PPP2R5D: variants seen among roughly 807,000 people sequenced by gnomAD.
The protein encoded by PPP2R5D is protein phosphatase 2 regulatory subunit B'delta, also known as serine/threonine-protein phosphatase 2A 56 kDa regulatory subunit delta isoform.
PPP2R5D carries 12 observed loss-of-function variants against 79.1 expected under a neutral mutation model. That is an observed-to-expected ratio of 0.15 (90% confidence interval 0.10 to 0.25). The LOEUF is 0.25. Among genes scored for constraint, PPP2R5D ranks in the 10% least tolerant of loss-of-function variants. PPP2R5D has a pLI of 1.00. For missense variants in PPP2R5D, 419 were observed against 760.2 expected (o/e 0.55, Z 5.28); for synonymous variants, 277 against 286.6 (o/e 0.97, Z 0.34).
In PPP2R5D at chr6:43,004,569, C is replaced by CTTTT. The variant is rs56194066; in HGVS notation, c.106-1879_106-1876dup. Among the ~76,000 whole-genome samples, 143 of 125,074 alleles carry CTTTT rather than the reference C, an allele frequency of 1.1e-3. 1 individual carries two copies. Among genetic ancestry groups the CTTTT allele is most frequent in the African/African-American group, 3.9e-3 (129 of 32,746 alleles). The allele number at this position is 125,074 out of a possible 152,430, so 82.1% of individuals were successfully genotyped here. On this transcript the variant is annotated intron_variant, in intron 2 of 15. Coordinates refer to ENST00000485511, the MANE Select transcript of PPP2R5D (RefSeq NM_006245.4). ...ATTTTCACATTGGATTCTTTTCCTA[C>CTTTT]TTTTTTTTTTTTTTTTTTGAGATTT...
At position 42,989,061 on chromosome 6, in the gene PPP2R5D, C is replaced by T. The variant is rs146407021; in HGVS notation, c.28-550C>T. ...GGTGCTCTTGGCATTTTGAGTGGGA[C>T]AGTTCTGTACCTGTTAGCATTCCTG... is the stretch of plus-strand genomic sequence containing the variant. On this transcript the variant is annotated intron_variant, in intron 1 of 15. Transcript: ENST00000485511. 6.6e-4 allele frequency among the ~76,000 whole-genome samples: 100 copies of T among 152,328 alleles called. 1 individual carries two copies. In the Middle Eastern group the frequency reaches 0.01, roughly 16 times the overall value.
rs780004512 is a variant in PPP2R5D, at chr6:43,008,745, C to T, written c.1079C>T (p.Pro360Leu). Residue 360 changes from proline to leucine, a missense_variant and splice_region_variant, in exon 10 of 16, where the codon CCG becomes CTG. Pro to Leu is a moderately conservative substitution (Grantham distance 98). Around this residue, in one of 5 missense-constraint regions of PPP2R5D, gnomAD observed 196 missense variants for 424.5 expected, o/e 0.46. Coordinates refer to ENST00000485511, the MANE Select transcript of PPP2R5D (RefSeq NM_006245.4). The surrounding 1 kb of genome is among the most constrained non-coding windows in gnomAD (Gnocchi z 4.2). ...FLEKESSLTE[P>L]VIVGLLKFWP... ...GAGAAGGAGAGCAGTCTGACTGAGC[C>T]GGTAATTCCCCTTCCGGGCCCCAAG... 9.9e-6 allele frequency: 16 copies of T among 1,613,800 alleles called. No homozygotes were observed. Among genetic ancestry groups the T allele is most frequent in the East Asian group, 2.2e-5 (1 of 44,898 alleles).
rs759229882 is a variant in PPP2R5D at position 43,008,210 on chromosome 6, C to T, written c.867C>T (p.Tyr289=). 47 of 1,614,104 alleles carry T rather than the reference C, an allele frequency of 2.9e-5. No individual in the cohort carries two copies. Among genetic ancestry groups the T allele is most frequent in the South Asian group, 2.3e-4 (21 of 91,084 alleles). The part of the protein sequence containing the change: ...QINHIFYRFI[Y]ETEHHNGIAE... ...ATTTTTCTTCCCTCAGGTTCATCTA[C>T]GAGACGGAGCATCACAACGGGATTG... The change falls in exon 8 of 16, where the codon TAC becomes TAT. Residue 289 remains tyrosine, a synonymous_variant. Coordinates refer to ENST00000485511, the MANE Select transcript of PPP2R5D (RefSeq NM_006245.4). The surrounding 1 kb of genome is among the most constrained non-coding windows in gnomAD (Gnocchi z 4.2).
At position 43,007,801 on chromosome 6, in the gene PPP2R5D, C is replaced by T. The variant is rs1046428008; in HGVS notation, c.727-134C>T. ...AATAGAATCAGCAATATAATAGAAT[C>T]ACTGCTTTCTAAGACTTGCTGGCCC... On this transcript the variant is annotated intron_variant, in intron 6 of 15. Transcript: ENST00000485511. This position sits in a 1 kb window ranked among gnomAD's most constrained non-coding sequence, Gnocchi z 4.5. 1.3e-5 allele frequency: 15 copies of T among 1,146,072 alleles called. 1 individual carries two copies. In the Middle Eastern group the frequency reaches 9.0e-4, roughly 69 times the overall value. 71.0% of individuals were successfully genotyped at this position (1,146,072 alleles called of 1,614,324 possible).
intron 15 of PPP2R5D, 74 bp from the exon 16 acceptor site, chr6:43,011,075 G>T: frequency 6.2e-7 from 1 of 1,611,374 alleles, no homozygotes; most frequent in Non-Finnish European, 8.5e-7. Flanking sequence ...CAGAGCCAAA[G>T]AATAAGGGGA....
At chr6:42,994,975 T>A (rs1771537752) in intron 2 of PPP2R5D, among the ~76,000 whole-genome samples, 1 of 152,126 alleles carries the variant, frequency 6.6e-6, no homozygotes, top group Admixed American at 6.6e-5. Flanking sequence ...CTTGGTCTTA[T>A]CAGTCCTCTA....
chr6:42,990,526 C>T (rs937443259), intron 2 of PPP2R5D, among the ~76,000 whole-genome samples: 4 of 152,194 alleles, frequency 2.6e-5, no homozygotes, highest in South Asian at 2.1e-4. Context: ...AGATGTTTCT[C>T]AGTACTTCTG....
At chr6:42,994,810 C>G (rs1228405723) in intron 2 of PPP2R5D, among the ~76,000 whole-genome samples, 1 of 146,630 alleles carries the variant, frequency 6.8e-6, no homozygotes, top group Non-Finnish European at 1.5e-5. Flanking sequence ...AAGAGCAAAA[C>G]TCCATCTCAA....
At position 42,996,478 on chromosome 6, in the gene PPP2R5D, AT is replaced by A. The variant is rs1415195711; in HGVS notation, c.105+6791del. On this transcript the variant is annotated intron_variant, in intron 2 of 15. Transcript: ENST00000485511. ...GACTCCGTCTCAAAAATAAAAAAAA[AT>A]AAAAAAAAAATAAGGGCCAAAAAAG... is the stretch of plus-strand genomic sequence containing the variant. Among the ~76,000 whole-genome samples, 60 of 151,856 alleles carry A rather than the reference AT, an allele frequency of 4.0e-4. 1 individual carries two copies. The highest frequency in any genetic ancestry group is 1.2e-3 in the African/African-American group (48 of 41,376).
chr6:43,006,548 C>T lies in PPP2R5D; in HGVS notation c.191C>T (p.Pro64Leu), dbSNP rs1000620573. 1 of 1,614,138 alleles carries T rather than the reference C, an allele frequency of 6.2e-7. No homozygotes were observed. The highest frequency in any genetic ancestry group is 8.5e-7 in the Non-Finnish European group (1 of 1,180,044). The change falls in exon 3 of 16, where the codon CCG (proline) becomes CTG (leucine). Residue 64 changes from proline (P) to leucine (L), a missense_variant. Physicochemically the swap from Pro to Leu is moderately conservative, Grantham distance 98 (BLOSUM62 -3). Coordinates refer to ENST00000485511, the MANE Select transcript of PPP2R5D (RefSeq NM_006245.4). The surrounding 1 kb of genome is among the most constrained non-coding windows in gnomAD (Gnocchi z 4.7). ...AACAAGCGTCCCAGCAATAGCACGCCGCCCCCCACGCAGCTCAGCAAAATC... is the reference window on the plus strand; with the variant it reads ...AACAAGCGTCCCAGCAATAGCACGCTGCCCCCCACGCAGCTCAGCAAAATC... Reference protein sequence around the residue: ...SSNKRPSNSTPPPTQLSKIKY... With the variant: ...SSNKRPSNSTLPPTQLSKIKY...
At chr6:42,986,624 G>C (rs1304317412) in intron 1 of PPP2R5D, among the ~76,000 whole-genome samples, 1 of 151,992 alleles carries the variant, frequency 6.6e-6, no homozygotes, top group African/African-American at 2.4e-5. Flanking sequence ...GAGGTGGTTT[G>C]GGTAGCTCAG....
At chr6:43,002,256 C>T (rs534567279) in intron 2 of PPP2R5D, among the ~76,000 whole-genome samples, 5 of 151,890 alleles carry the variant, frequency 3.3e-5, no homozygotes, top group East Asian at 1.9e-4. Context: ...CTCTGCCTCC[C>T]GAGTTCAAGA....
At position 43,007,503 on chromosome 6, in the gene PPP2R5D, T is replaced by C. The variant is rs1762150176; in HGVS notation, c.723T>C (p.Leu241=). ...AGTACATCGACCAGAAGTTTGTACTTGCTGTGAGTCCCCGAGTTCCTGTCC... is the reference window on the plus strand; with the variant it reads ...AGTACATCGACCAGAAGTTTGTACTCGCTGTGAGTCCCCGAGTTCCTGTCC... ...AKKYIDQKFV[L]ALLDLFDSED... is the part of the protein sequence containing the mutation. Residue 241 remains leucine, a synonymous_variant, in exon 6 of 16, where the codon CTT becomes CTC. Transcript: ENST00000485511. The surrounding 1 kb of genome is among the most constrained non-coding windows in gnomAD (Gnocchi z 4.5). 1 of 1,606,776 alleles carries C rather than the reference T, an allele frequency of 6.2e-7. No individual in the cohort carries two copies. The highest frequency in any genetic ancestry group is 1.7e-5 in the Admixed American group (1 of 59,994).
At chr6:42,996,220 T>C (rs1230373094) in intron 2 of PPP2R5D, among the ~76,000 whole-genome samples, 1 of 146,858 alleles carries the variant, frequency 6.8e-6, no homozygotes, top group Non-Finnish European at 1.5e-5. Flanking sequence ...TCCCAGCACT[T>C]TGGGAGGCCG....
At chr6:42,996,442 T>G (rs1197126789) in intron 2 of PPP2R5D, among the ~76,000 whole-genome samples, 1 of 149,410 alleles carries the variant, frequency 6.7e-6, no homozygotes, top group Non-Finnish European at 1.5e-5. Context: ...CCAGCCTGGG[T>G]GACAGAGCGA....
chr6:42,999,204 A>G (rs1772003465), intron 2 of PPP2R5D, among the ~76,000 whole-genome samples: 1 of 152,200 alleles, frequency 6.6e-6, no homozygotes. Context: ...GTGAATGCAC[A>G]AGTTAGTGGC....
In PPP2R5D at chr6:43,006,161, T is replaced by A. The variant is rs1278494224; in HGVS notation, c.106-302T>A. Among the ~76,000 whole-genome samples the A allele has an allele frequency of 6.6e-6, 1 of 152,236 alleles. No homozygotes were observed. The highest frequency in any genetic ancestry group is 1.5e-5 in the Non-Finnish European group (1 of 68,042). ...TTCCCCTGGCAACGTAATCACTTTT[T>A]TGACTTCTGTCACCATCAATCTATC... On this transcript the variant is annotated intron_variant, in intron 2 of 15. Transcript: ENST00000485511. This position sits in a 1 kb window ranked among gnomAD's most constrained non-coding sequence, Gnocchi z 4.7.
chr6:43,005,108 A>G (rs1318355290), intron 2 of PPP2R5D, among the ~76,000 whole-genome samples: 1 of 151,408 alleles, frequency 6.6e-6, no homozygotes, highest in African/African-American at 2.4e-5. Flanking sequence ...TTTCTGTTAT[A>G]AATGAGGTTG....
intron 2 of PPP2R5D, among the ~76,000 whole-genome samples, chr6:42,996,578 C>T (rs1202705584): frequency 6.6e-6 from 1 of 152,176 alleles, no homozygotes; most frequent in African/African-American, 2.4e-5. Context: ...GAGTTTACAG[C>T]TCAGCCTTCT....
Sources: gnomAD v4.1 joint callset for allele counts (sites outside exome capture counted in the v4.1 genomes callset) on GRCh38, gnomAD v4.1.1 for gene constraint, gnomAD v4.1.1 regional missense constraint, Gnocchi (gnomAD v3.1) non-coding constraint, MANE v1.5 for transcripts, NCBI Gene and HGNC (gene_info 2026-07-23, HGNC 2026-07-21) for gene names.